The following CA10 variants were observed in gnomAD, a reference collection of about 807,000 sequenced individuals.
CA10 encodes carbonic anhydrase-related protein 10.
CA10 carries 14 observed loss-of-function variants against 44.2 expected under a neutral mutation model. That is an observed-to-expected ratio of 0.32 (90% CI 0.21 to 0.50). The LOEUF (loss-of-function observed/expected upper bound fraction) is 0.50. Ranked by LOEUF, CA10 falls within the 20% of genes least tolerant of loss-of-function variation. The pLI is 0.99. For synonymous variants in CA10, 159 were observed against 141.6 expected (o/e 1.12, Z -0.87); for missense variants, 350 against 409.7 (o/e 0.85, Z 1.26).
chr17:51,974,020 T>A (rs187141597), intron 2 of CA10, among the ~76,000 whole-genome samples: 9 of 152,326 alleles, frequency 5.9e-5, no homozygotes, highest in African/African-American at 2.2e-4. Context: ...GATGAGATTA[T>A]ATAATCTCAT....
intron 2 of CA10, among the ~76,000 whole-genome samples, chr17:51,996,918 C>T (rs559373039): frequency 3.2e-4 from 49 of 152,164 alleles, no homozygotes; most frequent in African/African-American, 1.1e-3. Context: ...CTGTAATATG[C>T]ACAACAATTT....
At chr17:51,736,372 A>G (rs925566696) in intron 4 of CA10, among the ~76,000 whole-genome samples, 2 of 152,168 alleles carry the variant, frequency 1.3e-5, no homozygotes, top group South Asian at 2.1e-4. Flanking sequence ...ACTTTACAGA[A>G]ACAGCAGCTG....
chr17:51,771,847 C>T (rs1214271206), intron 3 of CA10, among the ~76,000 whole-genome samples: 1 of 152,138 alleles, frequency 6.6e-6, no homozygotes, highest in Admixed American at 6.5e-5. Flanking sequence ...GGCTCTTTAC[C>T]ATTTTACAGA....
chr17:52,010,138 T>C (rs1208441614), intron 2 of CA10, among the ~76,000 whole-genome samples: 1 of 151,928 alleles, frequency 6.6e-6, no homozygotes, highest in African/African-American at 2.4e-5. Context: ...GGGAACACTT[T>C]TACACCGTTG....
chr17:51,878,344 G>A (rs1980183475), intron 3 of CA10, among the ~76,000 whole-genome samples: 1 of 152,028 alleles, frequency 6.6e-6, no homozygotes, highest in East Asian at 1.9e-4. Context: ...AGAAGCCCCT[G>A]CATTAGTTGT....
chr17:52,057,450 T>C (rs1464616353), intron 2 of CA10, among the ~76,000 whole-genome samples: 1 of 71,044 alleles, frequency 1.4e-5, no homozygotes, highest in African/African-American at 3.1e-5. Flanking sequence ...TTATTTTCTC[T>C]AGCTTTGTTT....
At chr17:52,136,299 G>T (rs138319392) in intron 1 of CA10, among the ~76,000 whole-genome samples, 3 of 152,252 alleles carry the variant, frequency 2.0e-5, no homozygotes, top group African/African-American at 7.2e-5. Context: ...ATTTATCTTC[G>T]CTCTGGAGCT....
chr17:51,666,935 A>G (rs1345524465), intron 4 of CA10, among the ~76,000 whole-genome samples: 1 of 152,248 alleles, frequency 6.6e-6, no homozygotes, highest in African/African-American at 2.4e-5. Context: ...TTATTCCAAG[A>G]AACAAGACAC....
At chr17:52,039,574 T>C (rs1986712533) in intron 2 of CA10, among the ~76,000 whole-genome samples, 1 of 152,124 alleles carries the variant, frequency 6.6e-6, no homozygotes, top group Non-Finnish European at 1.5e-5. Flanking sequence ...TTACCTTTAG[T>C]TCCAGATAGA....
chr17:51,649,308 A>T, intron 5 of CA10, 54 bp from the exon 6 acceptor site: 1 of 1,263,036 alleles, frequency 7.9e-7, no homozygotes, highest in Admixed American at 1.7e-5. Flanking sequence ...CAGGACAAAC[A>T]TCTCCCCGTG....
chr17:52,057,334 A>G (rs1987256765), intron 2 of CA10, among the ~76,000 whole-genome samples: 1 of 152,010 alleles, frequency 6.6e-6, no homozygotes, highest in Non-Finnish European at 1.5e-5. Context: ...CCTCCTCCTC[A>G]GCCTACTCAA....
chr17:52,155,932 G>A lies in CA10; in HGVS notation c.61+1794C>T, dbSNP rs1239023830. 3.3e-5 allele frequency among the ~76,000 whole-genome samples: 5 copies of A among 152,096 alleles called. No homozygotes were observed. The East Asian group carries it at 9.6e-4, about 29-fold the overall frequency. ...ACCAAATCAAATATAGCTGTGACAGGTATCCCACTAATGCTTTTTTTGGAG... is the reference window on the plus strand; with the variant it reads ...ACCAAATCAAATATAGCTGTGACAGATATCCCACTAATGCTTTTTTTGGAG... On this transcript the variant is annotated intron_variant, in intron 1 of 8. Transcript: ENST00000451037.
intron 2 of CA10, among the ~76,000 whole-genome samples, chr17:52,066,029 T>A (rs1181021258): frequency 6.6e-6 from 1 of 152,196 alleles, no homozygotes; most frequent in Non-Finnish European, 1.5e-5. Flanking sequence ...TCCAACACGA[T>A]TGTAAGTTTC....
At chr17:52,154,695 C>T (rs1200001358) in intron 1 of CA10, among the ~76,000 whole-genome samples, 1 of 152,152 alleles carries the variant, frequency 6.6e-6, no homozygotes, top group Non-Finnish European at 1.5e-5. Context: ...CTGAGTTTAA[C>T]GGAAAGCCAG....
At chr17:51,979,028 C>T (rs1984559364) in intron 2 of CA10, among the ~76,000 whole-genome samples, 1 of 152,132 alleles carries the variant, frequency 6.6e-6, no homozygotes. Flanking sequence ...CCCTGCCTGC[C>T]ACAAACGTTT....
intron 1 of CA10, among the ~76,000 whole-genome samples, chr17:52,087,372 C>T (rs544314541): frequency 6.6e-6 from 1 of 152,202 alleles, no homozygotes; most frequent in Non-Finnish European, 1.5e-5. Context: ...AAACTCCTCA[C>T]CTGAGGTGAT....
At chr17:52,144,762 C>G (rs1989548875) in intron 1 of CA10, among the ~76,000 whole-genome samples, 1 of 152,170 alleles carries the variant, frequency 6.6e-6, no homozygotes, top group Non-Finnish European at 1.5e-5. Flanking sequence ...AAATTCCTTC[C>G]TAATTTTGCT....
chr17:51,762,171 A>G (rs1193932403), intron 3 of CA10: 1 of 152,228 alleles, frequency 6.6e-6, no homozygotes, highest in Non-Finnish European at 1.5e-5. Flanking sequence ...GAGGGTAAAT[A>G]GGCCACAGAT....
At position 51,756,472 on chromosome 17, in the gene CA10, G is replaced by T. The variant is rs370094896; in HGVS notation, c.280-8654C>A. Among the ~76,000 whole-genome samples the T allele has an allele frequency of 1.1e-3, 145 of 132,246 alleles. 3 individuals carry two copies. The South Asian group carries it at 0.023, about 21-fold the overall frequency. The allele number at this position is 132,246 out of a possible 152,430, so 86.8% of individuals were successfully genotyped here. A position where few individuals can be genotyped will look rare whatever the true frequency, so the allele number is the denominator to read the frequency against. On this transcript the variant is annotated intron_variant, in intron 3 of 8. Transcript: ENST00000451037. ...TGAGTGCTGGGGAAATGAGGTAGTT[G>T]TTTTTTTTTTTTTTTTTGAGTCTTT... is the stretch of plus-strand genomic sequence containing the variant.
Sources: gnomAD v4.1 joint callset for allele counts (sites outside exome capture counted in the v4.1 genomes callset) on GRCh38, gnomAD v4.1.1 for gene constraint, MANE v1.5 for transcripts, NCBI Gene and HGNC (gene_info 2026-07-23, HGNC 2026-07-21) for gene names.